EPHA5: variants seen among roughly 807,000 people sequenced by gnomAD.
EPHA5 encodes EPH receptor A5, also known as ephrin type-A receptor 5.
EPHA5 carries 60 observed loss-of-function variants against 105.0 expected under a neutral mutation model. The ratio of observed to expected loss-of-function variants is 0.57; its 90% CI spans 0.46 to 0.71. EPHA5 has a LOEUF of 0.71. EPHA5 is among the 30% of genes least tolerant of loss of function. EPHA5 has a pLI of 0.00. For missense variants in EPHA5, 1,218 were observed against 1,274.7 expected, an observed-to-expected ratio of 0.96 and a Z score of 0.68; for synonymous variants, 513 against 449.1, an observed-to-expected ratio of 1.14 and a Z score of -1.80.
At chr4:65,450,651 T>C (rs1224199509) in intron 5 of EPHA5, among the ~76,000 whole-genome samples, 1 of 152,192 alleles carries the variant, frequency 6.6e-6, no homozygotes, top group Non-Finnish European at 1.5e-5. Context: ...TAGAGATAAT[T>C]ATAATACCAG....
chr4:65,331,414 A>C, intron 16 of EPHA5: 4 of 1,045,746 alleles, frequency 3.8e-6, no homozygotes, highest in Non-Finnish European at 4.6e-6. Context: ...GGTTCCACTG[A>C]GATTGTACCA....
chr4:65,518,435 C>CA (rs1734321023), intron 3 of EPHA5, among the ~76,000 whole-genome samples: 2 of 150,052 alleles, frequency 1.3e-5, no homozygotes, highest in African/African-American at 4.9e-5. Context: ...ACACACACAC[C>CA]CACACACACA....
intron 3 of EPHA5, among the ~76,000 whole-genome samples, chr4:65,543,637 G>A (rs1737071770): frequency 6.6e-6 from 1 of 151,876 alleles, no homozygotes; most frequent in South Asian, 2.1e-4. Flanking sequence ...CACGAAAATG[G>A]TCATACTGCC....
chr4:65,489,142 C>A (rs1731169417), intron 5 of EPHA5, among the ~76,000 whole-genome samples: 1 of 152,018 alleles, frequency 6.6e-6, no homozygotes, highest in Non-Finnish European at 1.5e-5. Context: ...CGTGATCCAC[C>A]CATCTCGGCC....
Position 65,365,953 on chromosome 4 carries a change from T to C in EPHA5, c.1966A>G (p.Ile656Val), listed in dbSNP as rs1427787527. 3 of 1,608,052 alleles carry C rather than the reference T, an allele frequency of 1.9e-6. No individual in the cohort carries two copies. The Admixed American group carries it at 5.0e-5, about 27-fold the overall frequency. ...AKEIEASCIT[I>V]ERVIGAGEFG... ...GTACCTGCTCCAATAACTCTCTCAA[T>C]GGTGATACATGATGCTTCTATCTCC... is the stretch of plus-strand genomic sequence containing the variant. The change falls in exon 10 of 17, where the codon ATT (isoleucine) becomes GTT (valine). Residue 656 changes from isoleucine to valine, a missense_variant. By Grantham distance (29) the Ile-to-Val change is conservative. Coordinates refer to ENST00000613740, the MANE Select transcript of EPHA5 (RefSeq NM_001281766.3).
chr4:65,649,157 C>T lies in EPHA5; in HGVS notation c.182-5730G>A, dbSNP rs78905687. 9.3e-3 allele frequency among the ~76,000 whole-genome samples: 1,420 copies of T among 152,272 alleles called. 19 individuals carry two copies. Among genetic ancestry groups the T allele is most frequent in the African/African-American group, 0.032 (1,334 of 41,562 alleles). On this transcript the variant is annotated intron_variant, in intron 1 of 16. Coordinates refer to ENST00000613740, the MANE Select transcript of EPHA5 (RefSeq NM_001281766.3). ...AAGAAGAATGAATATGGGGAAATAA[C>T]TTGGTGAATGCTTACTATATGTCAG...
chr4:65,636,194 G>A (rs2149499943), intron 2 of EPHA5, among the ~76,000 whole-genome samples: 1 of 152,288 alleles, frequency 6.6e-6, no homozygotes, highest in South Asian at 2.1e-4. Context: ...CAATGAGAAA[G>A]TGAAACCTTG....
rs556812967 is a variant in EPHA5 at position 65,376,691 on chromosome 4, T to C, written c.1794-9267A>G. Among the ~76,000 whole-genome samples the C allele has an allele frequency of 3.9e-5, 6 of 152,050 alleles. No homozygotes were observed. The South Asian group carries it at 1.0e-3, about 26-fold the overall frequency. ...CACGTGTGACATGATTTTTACTTCA[T>C]GGAACAACAAAAATGGTGACATGTT... On this transcript the variant is annotated intron_variant, in intron 8 of 16. Coordinates refer to ENST00000613740, the MANE Select transcript of EPHA5 (RefSeq NM_001281766.3).
intron 2 of EPHA5, among the ~76,000 whole-genome samples, chr4:65,611,481 T>G (rs527534743): frequency 6.7e-6 from 1 of 148,418 alleles, no homozygotes; most frequent in South Asian, 2.1e-4. Context: ...GTGCACTTAA[T>G]GTTTCAGGCA....
intron 3 of EPHA5, among the ~76,000 whole-genome samples, chr4:65,567,200 T>G (rs2149367753): frequency 6.6e-6 from 1 of 151,782 alleles, no homozygotes; most frequent in Middle Eastern, 3.4e-3. Context: ...TTTTTCAAAT[T>G]ATTTTTCTAT....
At chr4:65,373,892 T>A (rs1276626166) in intron 8 of EPHA5, among the ~76,000 whole-genome samples, 1 of 149,080 alleles carries the variant, frequency 6.7e-6, no homozygotes, top group Non-Finnish European at 1.5e-5. Context: ...ATAATCTGAC[T>A]AATTTGAATT....
chr4:65,535,992 GTTTGAAGAGACATGCT>G (rs550119933), intron 3 of EPHA5, among the ~76,000 whole-genome samples: 267 of 152,010 alleles, frequency 1.8e-3, no homozygotes, highest in African/African-American at 6.2e-3. Context: ...TACATTGAAA[GTTTGAAGAGACATGCT>G]TTATAAGAAC....
intron 3 of EPHA5, among the ~76,000 whole-genome samples, chr4:65,551,487 C>T (rs1461674502): frequency 1.3e-5 from 2 of 151,948 alleles, no homozygotes; most frequent in Admixed American, 1.3e-4. Flanking sequence ...GGAAAAAGAA[C>T]AAGATAAGCA....
chr4:65,423,436 G>A (rs191828244), intron 5 of EPHA5, among the ~76,000 whole-genome samples: 4 of 152,034 alleles, frequency 2.6e-5, no homozygotes, highest in Admixed American at 6.6e-5. Flanking sequence ...TTTCTTGATG[G>A]TGGAATATCT....
chr4:65,550,744 G>C (rs1379065648), intron 3 of EPHA5, among the ~76,000 whole-genome samples: 1 of 152,222 alleles, frequency 6.6e-6, no homozygotes, highest in East Asian at 1.9e-4. Context: ...GCTGAGGCAG[G>C]AGAATCCCTT....
At chr4:65,593,081 A>G (rs985159520) in intron 3 of EPHA5, among the ~76,000 whole-genome samples, 3 of 152,150 alleles carry the variant, frequency 2.0e-5, no homozygotes, top group Non-Finnish European at 2.9e-5. Context: ...CTGTTGTTTG[A>G]CTTTTCCTCT....
rs774897926 is a variant in EPHA5, at chr4:65,351,464, G to C, written c.2370C>G (p.Asn790Lys). 1.2e-6 allele frequency: 2 copies of C among 1,613,640 alleles called. No individual in the cohort carries two copies. The highest frequency in any genetic ancestry group is 3.3e-5 in the Admixed American group (2 of 59,912). The change falls in exon 13 of 17, where the codon AAC (asparagine) becomes AAG (lysine). Residue 790 changes from asparagine (N) to lysine (K), a missense_variant. Coordinates refer to ENST00000613740, the MANE Select transcript of EPHA5 (RefSeq NM_001281766.3). ...LAARNILINS[N>K]LVCKVSDFGL... The stretch of plus-strand genomic sequence containing the variant: ...CAAAGTCAGACACTTTGCACACAAG[G>C]TTACTGTTGATTAAGATGTTTCTGG...
At chr4:65,384,974 GTC>G (rs370180780) in intron 8 of EPHA5, among the ~76,000 whole-genome samples, 7 of 151,448 alleles carry the variant, frequency 4.6e-5, no homozygotes, top group African/African-American at 1.5e-4. Context: ...AAACACGTCT[GTC>G]TCGGGGGCCT....
chr4:65,586,224 A>G (rs911619159), intron 3 of EPHA5, among the ~76,000 whole-genome samples: 5 of 151,714 alleles, frequency 3.3e-5, no homozygotes, highest in African/African-American at 1.2e-4. Flanking sequence ...ACATGAAACC[A>G]TCTTTTCTAC....
Sources: allele counts gnomAD v4.1 joint callset (sites outside exome capture counted in the v4.1 genomes callset), GRCh38; gene constraint gnomAD v4.1.1; transcripts MANE v1.5; gene names NCBI Gene and HGNC (gene_info 2026-07-23, HGNC 2026-07-21).